The following HNRNPA2B1 variants were observed in gnomAD, a reference collection of about 807,000 sequenced individuals.
The protein encoded by HNRNPA2B1 is heterogeneous nuclear ribonucleoprotein A2/B1, also known as heterogeneous nuclear ribonucleoproteins A2/B1.
Under a neutral mutation model 46.3 loss-of-function variants are expected in HNRNPA2B1, and 3 were observed. That is an observed-to-expected ratio of 0.06 (90% CI 0.03 to 0.17). The LOEUF (loss-of-function observed/expected upper bound fraction) is 0.17, where lower values mean the gene tolerates loss of function less well. HNRNPA2B1 is among the 10% of genes least tolerant of loss of function. The probability of loss-of-function intolerance (pLI) is 1.00; values close to 1 mark genes in which losing one functional copy is unlikely to be tolerated. For synonymous variants in HNRNPA2B1, 225 were observed against 133.8 expected (o/e 1.68, Z -4.70); for missense variants, 221 against 418.9 (o/e 0.53, Z 4.12).
chr7:26,195,616 T>G, intron 7 of HNRNPA2B1: 7 of 512,068 alleles, frequency 1.4e-5, no homozygotes, highest in East Asian at 7.0e-5. Context: ...TGAGAAAAGA[T>G]GAGATACTCT....
At position 26,197,706 on chromosome 7, in the gene HNRNPA2B1, G is replaced by A. The variant is rs774999756; in HGVS notation, c.33C>T (p.Leu11=). MEREKEQFRK[L]FIGGLSFETT... ...TTTCAAAGCTTAAGCCACCAATAAA[G>A]AGCTTACGGAACTGTTCCTTTTCTC... The change falls in exon 2 of 11, where the codon CTC becomes CTT. Residue 11 remains leucine, a synonymous_variant. Transcript: ENST00000618183. The A allele has an allele frequency of 5.0e-6, 8 of 1,613,720 alleles. No homozygotes were observed. The highest frequency in any genetic ancestry group is 2.2e-5 in the East Asian group (1 of 44,858).
rs1467232270 is a variant in HNRNPA2B1 at position 26,200,634 on chromosome 7, T to G, written c.-57A>C. The G allele has an allele frequency of 5.6e-6, 9 of 1,612,106 alleles. No individual in the cohort carries two copies. The highest frequency in any genetic ancestry group is 7.6e-6 in the Non-Finnish European group (9 of 1,179,218). ...GCAGCCGAGCGAGATGAGAGAGATC[T>G]CCGCGGACGAACACGAACCGGACTC... On this transcript the variant is annotated 5_prime_UTR_variant, in exon 1 of 11. Coordinates refer to ENST00000618183, the MANE Select transcript of HNRNPA2B1 (RefSeq NM_002137.4).
rs1256079597 is a variant in HNRNPA2B1, at chr7:26,193,324, T to C, written c.891A>G (p.Gln297=). Residue 297 remains glutamine, a synonymous_variant, in exon 9 of 11, where the codon CAA becomes CAG. Coordinates refer to ENST00000618183, the MANE Select transcript of HNRNPA2B1 (RefSeq NM_002137.4). ...TCTTCATTGGACCGTAGTTAGAAGG[T>C]TGCTGGTTATAATTTCCAAAATCAT... is the stretch of plus-strand genomic sequence containing the variant. ...NYNDFGNYNQ[Q]PSNYGPMKSG... 2 of 1,612,674 alleles carry C rather than the reference T, an allele frequency of 1.2e-6. No individual in the cohort carries two copies. Among genetic ancestry groups the C allele is most frequent in the Admixed American group, 1.7e-5 (1 of 59,994 alleles).
At chr7:26,200,225 C>T in intron 1 of HNRNPA2B1, 1 of 320,212 alleles carries the variant, frequency 3.1e-6, no homozygotes, top group Admixed American at 4.7e-5. Flanking sequence ...CCGAAACGCT[C>T]GCCGAGGAGA....
chr7:26,193,747 G>T, intron 7 of HNRNPA2B1, 53 bp from the exon 8 acceptor site: 2 of 1,456,494 alleles, frequency 1.4e-6, no homozygotes, highest in East Asian at 2.3e-5. Context: ...ATACCATTTT[G>T]AACTGTCTCC....
At chr7:26,196,308 T>G (rs182974601) in intron 6 of HNRNPA2B1, 93 bp downstream of exon 6, 4 of 1,025,290 alleles carry the variant, frequency 3.9e-6, no homozygotes, top group East Asian at 4.9e-5. Flanking sequence ...AAAATTGACT[T>G]AGGTTGGATT....
intron 7 of HNRNPA2B1, 115 bp from the exon 8 acceptor site, chr7:26,193,809 T>TC: frequency 1.1e-6 from 1 of 926,622 alleles, no homozygotes; most frequent in South Asian, 1.5e-5. Flanking sequence ...TTAATGAAAT[T>TC]CCTCTAAAAT....
At position 26,190,289 on chromosome 7, in the gene HNRNPA2B1, A is replaced by C. The variant is rs1474024981; in HGVS notation, c.*2071T>G. 1 of 152,636 alleles carries C rather than the reference A, an allele frequency of 6.6e-6. No individual in the cohort carries two copies. Among genetic ancestry groups the C allele is most frequent in the African/African-American group, 2.4e-5 (1 of 41,460 alleles). The allele number at this position is 152,636 out of a possible 1,614,324, so 9.5% of individuals were successfully genotyped here. On this transcript the variant is annotated 3_prime_UTR_variant, in exon 11 of 11. Transcript: ENST00000618183. ...CATTTTGTAATTGTTTTATATCAAG[A>C]ACCTCAACTAAATGTTTGTTTTATC...
chr7:26,197,946 C>G, intron 1 of HNRNPA2B1: 1 of 812,074 alleles, frequency 1.2e-6, no homozygotes. Flanking sequence ...CAAAAAATTG[C>G]CTCAGCTGAT....
At chr7:26,193,773 G>C in intron 7 of HNRNPA2B1, 79 bp from the exon 8 acceptor site, 2 of 1,208,632 alleles carry the variant, frequency 1.7e-6, no homozygotes, top group Non-Finnish European at 2.4e-6. Flanking sequence ...TCCATTTCCA[G>C]CTTTCCAAGT....
chr7:26,198,019 A>G (rs985755236), intron 1 of HNRNPA2B1: 7 of 414,538 alleles, frequency 1.7e-5, no homozygotes, highest in African/African-American at 2.2e-5. Flanking sequence ...ATTATCTTAA[A>G]TTATTAATTA....
intron 1 of HNRNPA2B1, chr7:26,199,545 G>C (rs532406990): frequency 5.9e-5 from 9 of 152,196 alleles, no homozygotes; most frequent in Non-Finnish European, 1.0e-4. Context: ...AAACTTCTCA[G>C]TAACAACATT....
chr7:26,197,913 A>G, intron 1 of HNRNPA2B1, 181 bp from the exon 2 acceptor site: 1 of 1,444,350 alleles, frequency 6.9e-7, no homozygotes, highest in Non-Finnish European at 9.5e-7. Context: ...CATATGTTAA[A>G]CTGCATATTA....
chr7:26,198,011 T>C (rs1783845458), intron 1 of HNRNPA2B1: 1 of 450,822 alleles, frequency 2.2e-6, no homozygotes, highest in African/African-American at 2.0e-5. Context: ...AACATTAAAT[T>C]ATCTTAAATT....
chr7:26,195,776 A>T, intron 7 of HNRNPA2B1, 71 bp downstream of exon 7: 9 of 1,511,170 alleles, frequency 6.0e-6, no homozygotes, highest in Middle Eastern at 1.7e-4. Flanking sequence ...CTCAAAATAT[A>T]AATGAAGTAA....
chr7:26,194,787 C>CA (rs1476569901), intron 7 of HNRNPA2B1, among the ~76,000 whole-genome samples: 1 of 147,256 alleles, frequency 6.8e-6, no homozygotes, highest in African/African-American at 2.5e-5. Context: ...TCACATACTG[C>CA]AAAACAAAAA....
At chr7:26,193,039 C>T (rs1349966359) in intron 9 of HNRNPA2B1, among the ~76,000 whole-genome samples, 1 of 152,142 alleles carries the variant, frequency 6.6e-6, no homozygotes, top group Non-Finnish European at 1.5e-5. Context: ...TGAACACCCC[C>T]ACCTCCAACA....
chr7:26,191,395 AGAAAG>A lies in HNRNPA2B1; in HGVS notation c.*960_*964del, dbSNP rs2128105814. The stretch of plus-strand genomic sequence containing the variant: ...GTTTATCTTTTAGGGAGGAAAATTA[AGAAAG>A]GAAAAGTAAATAAGATCTTACCTAA... On this transcript the variant is annotated 3_prime_UTR_variant, in exon 11 of 11. Transcript: ENST00000618183. The A allele has an allele frequency of 6.6e-6, 1 of 152,314 alleles. No individual in the cohort carries two copies. The highest frequency in any genetic ancestry group is 2.1e-4 in the South Asian group (1 of 4,826). The allele number at this position is 152,314 out of a possible 1,614,324, so 9.4% of individuals were successfully genotyped here.
chr7:26,197,174 T>G, intron 3 of HNRNPA2B1, 141 bp downstream of exon 3: 2 of 1,204,666 alleles, frequency 1.7e-6, no homozygotes, highest in Non-Finnish European at 2.3e-6. Context: ...ATAAGCTAGC[T>G]TAAGAAAATG....
Sources: gnomAD v4.1 joint callset for allele counts (sites outside exome capture counted in the v4.1 genomes callset) on GRCh38, gnomAD v4.1.1 for gene constraint, MANE v1.5 for transcripts, NCBI Gene and HGNC (gene_info 2026-07-23, HGNC 2026-07-21) for gene names.